MGST1: variants seen among roughly 807,000 people sequenced by gnomAD.
MGST1 encodes microsomal glutathione S-transferase 1.
In MGST1, 5 loss-of-function variants were observed where a neutral mutation model predicts 8.9. That is an observed-to-expected ratio of 0.56 (90% CI 0.29 to 1.19). The LOEUF (loss-of-function observed/expected upper bound fraction) is 1.19, where lower values mean the gene tolerates loss of function less well. Among genes scored for constraint, MGST1 ranks in the 50% most tolerant of loss-of-function variants. The probability of loss-of-function intolerance (pLI) is 0.08; values close to 1 mark genes in which losing one functional copy is unlikely to be tolerated. For missense variants in MGST1, 182 were observed against 187.4 expected (o/e 0.97, Z 0.17); for synonymous variants, 54 against 67.8 (o/e 0.80, Z 1.00).
rs764343866 is a variant in MGST1, at chr12:16,548,606, G to GTCCTACTGGAGGCA, written n.483-40919_483-40906dup. The GTCCTACTGGAGGCA allele has an allele frequency of 6.6e-6, 1 of 152,144 alleles. No individual in the cohort carries two copies. Among genetic ancestry groups the GTCCTACTGGAGGCA allele is most frequent in the Non-Finnish European group, 1.5e-5 (1 of 68,032 alleles). The allele number at this position is 152,144 out of a possible 1,614,324, so 9.4% of individuals were successfully genotyped here. On this transcript the variant is annotated intron_variant and non_coding_transcript_variant, in intron 4 of 4. Transcript: ENST00000538857. The surrounding 1 kb of genome is among the most constrained non-coding windows in gnomAD (Gnocchi z 4.2). ...CAGAAATCAAAGCTCCATCGGAGGT[G>GTCCTACTGGAGGCA]TCCTACTGGAGGCATCAGACAACAA...
At chr12:16,534,341 A>G (rs968076772) in intron 4 of MGST1, among the ~76,000 whole-genome samples, 3 of 152,190 alleles carry the variant, frequency 2.0e-5, no homozygotes, top group Non-Finnish European at 4.4e-5. Flanking sequence ...ATTCTTTGGC[A>G]ATACTATCTT....
Position 16,513,464 on chromosome 12 carries a change from C to G in MGST1, n.483-76064C>G, listed in dbSNP as rs1019245126. The G allele has an allele frequency of 7.0e-6, 3 of 431,588 alleles. No individual in the cohort carries two copies. The highest frequency in any genetic ancestry group is 6.2e-5 in the African/African-American group (3 of 48,690). 26.7% of individuals were successfully genotyped at this position (431,588 alleles called of 1,614,324 possible). ...CTTCCACCCGGGCTCGCCTCTGATG[C>G]CCCTGCCAGAGCCAGCTCCTGGTGG... is the stretch of plus-strand genomic sequence containing the variant. On this transcript the variant is annotated intron_variant and non_coding_transcript_variant, in intron 4 of 4. Coordinates refer to the MGST1 transcript ENST00000538857. This position sits in a 1 kb window ranked among gnomAD's most constrained non-coding sequence, Gnocchi z 4.2.
At chr12:16,487,451 A>T (rs1941406955) in intron 4 of MGST1, among the ~76,000 whole-genome samples, 1 of 152,214 alleles carries the variant, frequency 6.6e-6, no homozygotes, top group African/African-American at 2.4e-5. Context: ...GCATATTTTG[A>T]TATCAAAACT....
exon 2 of MGST1, chr12:16,438,149 G>T (rs1591728156): frequency 6.6e-6 from 1 of 152,086 alleles, no homozygotes; most frequent in East Asian, 1.9e-4. Flanking sequence ...AAGATATGTT[G>T]CCGGCTTTAG....
rs1286217431 is a variant in MGST1 at position 16,497,515 on chromosome 12, T to G, written n.483-92013T>G. Among the ~76,000 whole-genome samples the G allele has an allele frequency of 6.6e-6, 1 of 152,180 alleles. No individual in the cohort carries two copies. The highest frequency in any genetic ancestry group is 6.6e-5 in the Admixed American group (1 of 15,260). On this transcript the variant is annotated intron_variant and non_coding_transcript_variant, in intron 4 of 4. Transcript: ENST00000538857. The surrounding 1 kb of genome is among the most constrained non-coding windows in gnomAD (Gnocchi z 4.4). Reference sequence around the variant, plus strand: ...CAGAGTTTGGTGAGAAAAGAATCTCTTCAGTTATGTGTAAACAGATATTTC... The same window carrying G: ...CAGAGTTTGGTGAGAAAAGAATCTCGTCAGTTATGTGTAAACAGATATTTC...
At chr12:16,428,940 T>G (rs1940916033) in intron 1 of MGST1, among the ~76,000 whole-genome samples, 1 of 152,112 alleles carries the variant, frequency 6.6e-6, no homozygotes, top group Non-Finnish European at 1.5e-5. Flanking sequence ...TTTTTGTGCC[T>G]TTGTTTTTTG....
Position 16,362,296 on chromosome 12 carries a change from A to G in MGST1, c.222-1499A>G, listed in dbSNP as rs9332939. Among the ~76,000 whole-genome samples, 2 of 151,880 alleles carry G rather than the reference A, an allele frequency of 1.3e-5. No homozygotes were observed. Among genetic ancestry groups the G allele is most frequent in the Non-Finnish European group, 2.9e-5 (2 of 67,962 alleles). ...GAGAGGGCACAGGAACACTCACACC[A>G]TCCTCTCTTTGCTTTTATTCTGTAT... On this transcript the variant is annotated intron_variant, in intron 3 of 3. Transcript: ENST00000396210. This position sits in a 1 kb window ranked among gnomAD's most constrained non-coding sequence, Gnocchi z 4.4.
At chr12:16,558,831 A>AC (rs1942287781) in intron 4 of MGST1, among the ~76,000 whole-genome samples, 1 of 152,130 alleles carries the variant, frequency 6.6e-6, no homozygotes, top group Non-Finnish European at 1.5e-5. Flanking sequence ...ACTTTTGAGA[A>AC]CCTGTTGTGT....
At chr12:16,394,684 A>T (rs950727177) in intron 1 of MGST1, among the ~76,000 whole-genome samples, 4 of 151,388 alleles carry the variant, frequency 2.6e-5, no homozygotes, top group Admixed American at 1.3e-4. Context: ...TGCAACCTCC[A>T]CCTCCTGGGT....
intron 4 of MGST1, among the ~76,000 whole-genome samples, chr12:16,490,959 C>G (rs956064686): frequency 1.3e-5 from 2 of 152,138 alleles, no homozygotes; most frequent in African/African-American, 4.8e-5. Context: ...GGAGATGTGT[C>G]CATTTATTGC....
chr12:16,549,284 G>T (rs555772536), intron 4 of MGST1: 1 of 151,944 alleles, frequency 6.6e-6, no homozygotes, highest in African/African-American at 2.4e-5. Context: ...TATTTTTGTG[G>T]GCCCCAAATA....
intron 2 of MGST1, chr12:16,357,380 C>G: frequency 5.0e-6 from 2 of 403,040 alleles, no homozygotes; most frequent in Non-Finnish European, 4.4e-6. Context: ...CAACCTCAAC[C>G]TCCTGAGTAG....
chr12:16,392,169 G>A (rs1940558996), intron 1 of MGST1, among the ~76,000 whole-genome samples: 1 of 152,034 alleles, frequency 6.6e-6, no homozygotes, highest in South Asian at 2.1e-4. Flanking sequence ...TTTGAAGTTG[G>A]GTGATGTGAA....
chr12:16,575,746 T>C (rs1271336670), intron 4 of MGST1, among the ~76,000 whole-genome samples: 2 of 152,202 alleles, frequency 1.3e-5, no homozygotes, highest in Non-Finnish European at 1.5e-5. Context: ...CCTCAGAGGC[T>C]ATTCACTACT....
chr12:16,356,480 T>C (rs1299372208), intron 2 of MGST1, among the ~76,000 whole-genome samples: 1 of 152,164 alleles, frequency 6.6e-6, no homozygotes, highest in Non-Finnish European at 1.5e-5. Flanking sequence ...CCCAGCCCTG[T>C]GCATCGGTTC....
At chr12:16,391,587 T>C (rs1940553373) in intron 1 of MGST1, among the ~76,000 whole-genome samples, 1 of 152,186 alleles carries the variant, frequency 6.6e-6, no homozygotes, top group South Asian at 2.1e-4. Context: ...CACTTCTTAA[T>C]GGGGTTGTCT....
chr12:16,510,055 C>T (rs953394715), intron 4 of MGST1, among the ~76,000 whole-genome samples: 2 of 152,128 alleles, frequency 1.3e-5, no homozygotes, highest in African/African-American at 4.8e-5. Context: ...AGAGTAAGTC[C>T]TTAGTAAATT....
exon 1 of MGST1, chr12:16,383,450 C>A (rs1940475436): frequency 6.7e-6 from 1 of 148,958 alleles, no homozygotes; most frequent in African/African-American, 2.4e-5. Context: ...TTTTCTTTTT[C>A]TTTTCTTTTC....
rs998474081 is a variant in MGST1 at position 16,587,169 on chromosome 12, C to G, written n.483-2359C>G. Among the ~76,000 whole-genome samples the G allele has an allele frequency of 2.0e-5, 3 of 152,100 alleles. No individual in the cohort carries two copies. Among genetic ancestry groups the G allele is most frequent in the Non-Finnish European group, 4.4e-5 (3 of 68,026 alleles). ...GCAATTGTGGGTGCTGCTGACCTGTCAATCTCAAATATATTCATAAGCTAC... is the reference window on the plus strand; with the variant it reads ...GCAATTGTGGGTGCTGCTGACCTGTGAATCTCAAATATATTCATAAGCTAC... On this transcript the variant is annotated intron_variant and non_coding_transcript_variant, in intron 4 of 4. Coordinates refer to the MGST1 transcript ENST00000538857. The surrounding 1 kb of genome is among the most constrained non-coding windows in gnomAD (Gnocchi z 4.3).
Sources: gnomAD v4.1 joint callset for allele counts (sites outside exome capture counted in the v4.1 genomes callset) on GRCh38, gnomAD v4.1.1 for gene constraint, Gnocchi (gnomAD v3.1) non-coding constraint, MANE v1.5 for transcripts, NCBI Gene and HGNC (gene_info 2026-07-23, HGNC 2026-07-21) for gene names.